The following ST8SIA5 variants were observed in gnomAD, a reference collection of about 807,000 sequenced individuals.
The protein encoded by ST8SIA5 is ST8 alpha-N-acetyl-neuraminide alpha-2,8-sialyltransferase 5, also known as alpha-2,8-sialyltransferase 8E.
A neutral mutation model predicts 40.2 loss-of-function variants in ST8SIA5; 24 were observed. The observed-to-expected ratio is 0.60, with a 90% CI of 0.43 to 0.84. The LOEUF is 0.84. Ranked by LOEUF, ST8SIA5 falls within the 40% of genes least tolerant of loss-of-function variation. ST8SIA5 has a pLI of 0.00. For missense variants in ST8SIA5, 465 were observed against 498.5 expected, an observed-to-expected ratio of 0.93 and a Z score of 0.64; for synonymous variants, 198 against 201.8, an observed-to-expected ratio of 0.98 and a Z score of 0.16.
chr18:46,738,310 G>A (rs1469090236), intron 1 of ST8SIA5, among the ~76,000 whole-genome samples: 1 of 151,556 alleles, frequency 6.6e-6, no homozygotes, highest in African/African-American at 2.4e-5. Context: ...GGAGTAAGAG[G>A]GTATCACTGT....
chr18:46,706,085 T>C (rs1279470330), intron 1 of ST8SIA5, among the ~76,000 whole-genome samples: 1 of 152,052 alleles, frequency 6.6e-6, no homozygotes, highest in East Asian at 1.9e-4. Flanking sequence ...TGTGATACTT[T>C]AAAAGTTATG....
At chr18:46,688,292 C>A (rs2039468118) in intron 4 of ST8SIA5, among the ~76,000 whole-genome samples, 1 of 152,176 alleles carries the variant, frequency 6.6e-6, no homozygotes, top group African/African-American at 2.4e-5. Context: ...ATAGTCCAAG[C>A]CCCAGTGTTA....
At chr18:46,740,876 A>T (rs1426406706) in intron 1 of ST8SIA5, among the ~76,000 whole-genome samples, 1 of 152,176 alleles carries the variant, frequency 6.6e-6, no homozygotes, top group African/African-American at 2.4e-5. Flanking sequence ...GGCACATCGT[A>T]AATGCAATGT....
intron 1 of ST8SIA5, among the ~76,000 whole-genome samples, chr18:46,732,231 A>G (rs2039992084): frequency 6.6e-6 from 1 of 152,172 alleles, no homozygotes. Flanking sequence ...CAGTCCTGTG[A>G]GGGAGAGAGG....
intron 3 of ST8SIA5, 170 bp downstream of exon 3, chr18:46,691,999 T>A (rs2144481650): frequency 1.5e-6 from 1 of 655,702 alleles, no homozygotes; most frequent in East Asian, 2.8e-5. Flanking sequence ...TGCCTCAGCC[T>A]GCATGTTGAA....
At chr18:46,716,028 C>G (rs1046688545) in intron 1 of ST8SIA5, among the ~76,000 whole-genome samples, 1 of 151,662 alleles carries the variant, frequency 6.6e-6, no homozygotes, top group East Asian at 1.9e-4. Context: ...TGTCCACAGC[C>G]CAGAAGGAAG....
chr18:46,727,992 C>T (rs913184044), intron 1 of ST8SIA5, among the ~76,000 whole-genome samples: 4 of 152,104 alleles, frequency 2.6e-5, no homozygotes, highest in Admixed American at 2.0e-4. Context: ...GTCAAGGGAT[C>T]GAGACCATCC....
chr18:46,735,184 G>A (rs999536512), intron 1 of ST8SIA5, among the ~76,000 whole-genome samples: 2 of 152,184 alleles, frequency 1.3e-5, no homozygotes, highest in African/African-American at 2.4e-5. Context: ...TCAGGCCTTC[G>A]GCCACAGACT....
At position 46,720,985 on chromosome 18, in the gene ST8SIA5, C is replaced by T. The variant is rs149448984; in HGVS notation, c.132-16321G>A. On this transcript the variant is annotated intron_variant, in intron 1 of 6. Coordinates refer to ENST00000315087, the MANE Select transcript of ST8SIA5 (RefSeq NM_013305.6). Reference sequence around the variant, plus strand: ...AGAGAAGCAGGGAACACCCACCTGACACCCGCTTCTTGATGCCACCCACCC... The same window carrying T: ...AGAGAAGCAGGGAACACCCACCTGATACCCGCTTCTTGATGCCACCCACCC... Among the ~76,000 whole-genome samples the T allele has an allele frequency of 5.3e-3, 813 of 152,196 alleles. 12 individuals are homozygous for T. Among genetic ancestry groups the T allele is most frequent in the African/African-American group, 0.019 (787 of 41,502 alleles).
chr18:46,722,887 T>C (rs2039877114), intron 1 of ST8SIA5: 1 of 152,216 alleles, frequency 6.6e-6, no homozygotes, highest in Non-Finnish European at 1.5e-5. Flanking sequence ...ACCATCATCA[T>C]GTGAAGAAAA....
chr18:46,688,762 C>T lies in ST8SIA5; in HGVS notation c.456+13G>A, dbSNP rs1371906571. On this transcript the variant is annotated intron_variant, in intron 4 of 6. Transcript: ENST00000315087. ...CCTCGCCCCACCCAGACCGCCCCCGCCCAAAGCAGCACCTTGGGAAACATG... is the reference window on the plus strand; with the variant it reads ...CCTCGCCCCACCCAGACCGCCCCCGTCCAAAGCAGCACCTTGGGAAACATG... The T allele has an allele frequency of 5.0e-6, 8 of 1,609,104 alleles. No individual in the cohort carries two copies. The highest frequency in any genetic ancestry group is 5.9e-6 in the Non-Finnish European group (7 of 1,177,486).
chr18:46,716,086 GGATAGATA>G (rs61514320), intron 1 of ST8SIA5, among the ~76,000 whole-genome samples: 1,511 of 139,762 alleles, frequency 0.011, 22 homozygotes, highest in East Asian at 0.031. Flanking sequence ...GAGTCACACA[GGATAGATA>G]GATAGATAGA....
In ST8SIA5 at chr18:46,742,431, A is replaced by C. The variant is rs550163971; in HGVS notation, c.131+13947T>G. Among the ~76,000 whole-genome samples, 324 of 151,668 alleles carry C rather than the reference A, an allele frequency of 2.1e-3. 3 individuals are homozygous for C. Among genetic ancestry groups the C allele is most frequent in the African/African-American group, 7.5e-3 (307 of 41,206 alleles). On this transcript the variant is annotated intron_variant, in intron 1 of 6. Transcript: ENST00000315087. ...CTAAAGCACAAGCAATCAACAACAA[A>C]AAAAAAATAGCAGAATTGGACTTCA... is the stretch of plus-strand genomic sequence containing the variant.
chr18:46,730,141 A>T, intron 1 of ST8SIA5: 1 of 984,976 alleles, frequency 1.0e-6, no homozygotes, highest in Non-Finnish European at 1.2e-6. Flanking sequence ...TAAAGGTGTT[A>T]ACACCAGCCC....
intron 1 of ST8SIA5, among the ~76,000 whole-genome samples, chr18:46,723,596 A>T (rs1599134821): frequency 1.3e-5 from 2 of 152,102 alleles, no homozygotes; most frequent in Non-Finnish European, 2.9e-5. Flanking sequence ...ATAGTGAAAC[A>T]CTTAAAAAAA....
At chr18:46,710,540 TTC>T (rs1182829903) in intron 1 of ST8SIA5, among the ~76,000 whole-genome samples, 2 of 149,066 alleles carry the variant, frequency 1.3e-5, no homozygotes, top group Admixed American at 6.7e-5. Flanking sequence ...CTTTCTTTCT[TTC>T]TCTCTTTTTT....
intron 1 of ST8SIA5, among the ~76,000 whole-genome samples, chr18:46,733,614 G>C (rs988879058): frequency 1.9e-4 from 29 of 152,112 alleles, no homozygotes; most frequent in African/African-American, 7.0e-4. Context: ...GGGAGGAAAG[G>C]GGGATAAGGG....
intron 1 of ST8SIA5, among the ~76,000 whole-genome samples, chr18:46,720,592 C>CCT (rs1027641668): frequency 3.3e-5 from 5 of 152,180 alleles, no homozygotes; most frequent in African/African-American, 1.2e-4. Context: ...AAAATGCAAG[C>CCT]CTCTCTCTCA....
intron 1 of ST8SIA5, among the ~76,000 whole-genome samples, chr18:46,709,109 T>C (rs1182943357): frequency 1.3e-5 from 2 of 152,210 alleles, no homozygotes; most frequent in African/African-American, 4.8e-5. Flanking sequence ...GAGGTTGCTA[T>C]GGTCTAAATG....
Sources: gnomAD v4.1 joint callset for allele counts (sites outside exome capture counted in the v4.1 genomes callset) on GRCh38, gnomAD v4.1.1 for gene constraint, MANE v1.5 for transcripts, NCBI Gene and HGNC (gene_info 2026-07-23, HGNC 2026-07-21) for gene names.